FAM168A: variants seen among roughly 807,000 people sequenced by gnomAD.
FAM168A encodes the protein protein FAM168A.
In FAM168A, 3 loss-of-function variants were observed where a neutral mutation model predicts 28.5. The observed-to-expected ratio is 0.11, with a 90% CI of 0.05 to 0.27. FAM168A has a LOEUF of 0.27. Among genes scored for constraint, FAM168A ranks in the 10% least tolerant of loss-of-function variants. The pLI is 1.00. For synonymous variants in FAM168A, 122 were observed against 124.2 expected, an observed-to-expected ratio of 0.98 and a Z score of 0.12; for missense variants, 222 against 311.5, an observed-to-expected ratio of 0.71 and a Z score of 2.16.
At chr11:73,594,623 C>G (rs1208087041) in intron 1 of FAM168A, among the ~76,000 whole-genome samples, 9 of 152,118 alleles carry the variant, frequency 5.9e-5, no homozygotes, top group Admixed American at 5.9e-4. Context: ...CACTGCCCAC[C>G]TCCCCAGTTC....
Position 73,597,933 on chromosome 11 carries a change from C to T in FAM168A, c.-29G>A, listed in dbSNP as rs10128665. On this transcript the variant is annotated 5_prime_UTR_variant, in exon 1 of 8. Coordinates refer to ENST00000356467, the MANE Select transcript of FAM168A (RefSeq NM_015159.3). The stretch of plus-strand genomic sequence containing the variant: ...GGGGAGTCTCCTCACCGGTGAGCAG[C>T]TGCAGGCGAAAACGGCGGCGGCGGC... 4,479 of 156,324 alleles carry T rather than the reference C, an allele frequency of 0.029. 217 individuals are homozygous for T. Among genetic ancestry groups the T allele is most frequent in the African/African-American group, 0.1 (4,297 of 41,560 alleles). The allele number at this position is 156,324 out of a possible 1,614,324, so 9.7% of individuals were successfully genotyped here.
intron 1 of FAM168A, among the ~76,000 whole-genome samples, chr11:73,553,416 G>C (rs1446546276): frequency 6.6e-6 from 1 of 152,108 alleles, no homozygotes; most frequent in African/African-American, 2.4e-5. Flanking sequence ...AAGGAATAAA[G>C]ACCTGATTTC....
At chr11:73,542,538 T>C (rs1207534016) in intron 1 of FAM168A, among the ~76,000 whole-genome samples, 1 of 152,238 alleles carries the variant, frequency 6.6e-6, no homozygotes, top group Non-Finnish European at 1.5e-5. Context: ...TTATTGTTTT[T>C]AACTATTGTA....
At chr11:73,529,590 CT>C (rs1943490687) in intron 1 of FAM168A, among the ~76,000 whole-genome samples, 1 of 152,150 alleles carries the variant, frequency 6.6e-6, no homozygotes, top group African/African-American at 2.4e-5. Flanking sequence ...TCTCTAGCAT[CT>C]AACACAAGCT....
At chr11:73,425,768 G>A (rs1442065320) in intron 3 of FAM168A, among the ~76,000 whole-genome samples, 1 of 152,046 alleles carries the variant, frequency 6.6e-6, no homozygotes, top group Non-Finnish European at 1.5e-5. Context: ...TTAATTTTTT[G>A]TAGAGACAGG....
chr11:73,460,304 G>A (rs1313569271), intron 2 of FAM168A, among the ~76,000 whole-genome samples: 3 of 152,104 alleles, frequency 2.0e-5, no homozygotes, highest in Non-Finnish European at 2.9e-5. Context: ...AATCACAGGA[G>A]TCTTTTCCTC....
At chr11:73,572,409 C>T (rs1283925553) in intron 1 of FAM168A, among the ~76,000 whole-genome samples, 1 of 152,026 alleles carries the variant, frequency 6.6e-6, no homozygotes, top group Non-Finnish European at 1.5e-5. Flanking sequence ...GCCATGATGA[C>T]AATGGCGGTT....
chr11:73,460,872 G>A (rs556498129), intron 2 of FAM168A, among the ~76,000 whole-genome samples: 3 of 152,258 alleles, frequency 2.0e-5, no homozygotes, highest in South Asian at 2.1e-4. Flanking sequence ...AGAGAGGTGG[G>A]AAATGACCGA....
intron 1 of FAM168A, among the ~76,000 whole-genome samples, chr11:73,562,395 C>T (rs1017561813): frequency 8.5e-5 from 13 of 152,340 alleles, no homozygotes; most frequent in African/African-American, 2.9e-4. Context: ...TCATTTGACT[C>T]AGACCTTGGT....
rs1205544263 is a variant in FAM168A at position 73,594,373 on chromosome 11, A to C, written c.-19+3550T>G. On this transcript the variant is annotated intron_variant, in intron 1 of 7. Coordinates refer to ENST00000356467, the MANE Select transcript of FAM168A (RefSeq NM_015159.3). ...GCTCAGCCTCCCAAAGTCTGGGATT[A>C]TGGGCGTGAGCCACTATGCCTGGCC... Among the ~76,000 whole-genome samples, 7 of 151,102 alleles carry C rather than the reference A, an allele frequency of 4.6e-5. No homozygotes were observed. In the East Asian group the frequency reaches 1.4e-3, roughly 30 times the overall value.
intron 1 of FAM168A, among the ~76,000 whole-genome samples, chr11:73,529,254 G>C (rs1396285650): frequency 6.6e-6 from 1 of 152,194 alleles, no homozygotes; most frequent in Non-Finnish European, 1.5e-5. Flanking sequence ...TGGGAGAAAG[G>C]AAGGTGTTGC....
intron 2 of FAM168A, among the ~76,000 whole-genome samples, chr11:73,441,669 T>G (rs78163966): frequency 0.056 from 8,558 of 152,244 alleles, 841 homozygotes; most frequent in African/African-American, 0.2. Context: ...TTGCGGAAAG[T>G]TTTTTGATTA....
intron 1 of FAM168A, among the ~76,000 whole-genome samples, chr11:73,476,737 AAT>A (rs1161341725): frequency 6.6e-6 from 1 of 152,190 alleles, no homozygotes; most frequent in Non-Finnish European, 1.5e-5. Flanking sequence ...TAACTTATCA[AAT>A]AGAGAATATC....
At chr11:73,531,037 T>C (rs2134664198) in intron 1 of FAM168A, among the ~76,000 whole-genome samples, 1 of 152,194 alleles carries the variant, frequency 6.6e-6, no homozygotes. Context: ...GAACCTACTA[T>C]CTAGTAGAGG....
intron 1 of FAM168A, among the ~76,000 whole-genome samples, chr11:73,540,372 T>G (rs544244666): frequency 1.3e-5 from 2 of 152,312 alleles, no homozygotes; most frequent in South Asian, 4.1e-4. Flanking sequence ...ATTTTATAGA[T>G]AAGAAACTTA....
At chr11:73,534,406 TA>T (rs1416644223) in intron 1 of FAM168A, among the ~76,000 whole-genome samples, 23 of 149,226 alleles carry the variant, frequency 1.5e-4, no homozygotes, top group African/African-American at 4.0e-4. Context: ...TTTATTTATT[TA>T]TTTTTTTTTT....
intron 1 of FAM168A, among the ~76,000 whole-genome samples, chr11:73,546,531 A>C (rs1943755521): frequency 6.6e-6 from 1 of 152,210 alleles, no homozygotes; most frequent in Non-Finnish European, 1.5e-5. Context: ...TCAGGAGTTC[A>C]AGACCAGCCT....
chr11:73,433,515 G>T (rs568732133), intron 2 of FAM168A, among the ~76,000 whole-genome samples: 80 of 151,960 alleles, frequency 5.3e-4, no homozygotes, highest in Admixed American at 1.6e-3. Flanking sequence ...TTATGGTTTT[G>T]GCTTATATTG....
chr11:73,575,268 T>C (rs749279401), intron 1 of FAM168A, among the ~76,000 whole-genome samples: 1 of 152,220 alleles, frequency 6.6e-6, no homozygotes, highest in East Asian at 1.9e-4. Flanking sequence ...AAATATTCCA[T>C]GTATGTTACT....
Sources: gnomAD v4.1 joint callset for allele counts (sites outside exome capture counted in the v4.1 genomes callset) on GRCh38, gnomAD v4.1.1 for gene constraint, MANE v1.5 for transcripts, NCBI Gene and HGNC (gene_info 2026-07-23, HGNC 2026-07-21) for gene names.